FBLN5: variants seen among roughly 807,000 people sequenced by gnomAD.
FBLN5 encodes fibulin-5.
In FBLN5, 24 loss-of-function variants were observed where a neutral mutation model predicts 61.6. The ratio of observed to expected loss-of-function variants is 0.39; its 90% CI spans 0.28 to 0.55. FBLN5 has a LOEUF of 0.55. Among genes scored for constraint, FBLN5 ranks in the 20% least tolerant of loss-of-function variants. The pLI is 0.65. For missense variants in FBLN5, 470 were observed against 594.1 expected (o/e 0.79, Z 2.17); for synonymous variants, 213 against 219.8 (o/e 0.97, Z 0.27).
chr14:91,917,260 T>C (rs945537420), intron 4 of FBLN5, among the ~76,000 whole-genome samples: 3 of 152,206 alleles, frequency 2.0e-5, no homozygotes, highest in African/African-American at 7.2e-5. Flanking sequence ...TGAAGCTAGT[T>C]CTACTTCTCA....
intron 6 of FBLN5, among the ~76,000 whole-genome samples, chr14:91,890,137 G>A (rs565005148): frequency 1.7e-4 from 26 of 152,308 alleles, no homozygotes; most frequent in African/African-American, 2.6e-4. Context: ...CTCTTTTGGC[G>A]TGAGGAACAC....
chr14:91,877,960 T>C (rs772504067), intron 9 of FBLN5: 1 of 544,098 alleles, frequency 1.8e-6, no homozygotes, highest in Non-Finnish European at 3.5e-6. Context: ...CATTAGAACA[T>C]TCTCCAAGAT....
In FBLN5 at chr14:91,937,037, G is replaced by A; in HGVS notation, c.289C>T (p.Pro97Ser). Reference sequence around the variant, plus strand: ...GGATAGTTTGGAGCTGAGAGTGGTGGGGCAGCTGCTGGGTACGGACCTGAG... The same window carrying A: ...GGATAGTTTGGAGCTGAGAGTGGTGAGGCAGCTGCTGGGTACGGACCTGAG... ...PYSGPYPAAAPPLSAPNYPTI... is the reference protein window; with the variant it reads ...PYSGPYPAAASPLSAPNYPTI... Residue 97 changes from proline (P) to serine (S), a missense_variant, in exon 4 of 11, where the codon CCA (proline) becomes TCA (serine). By Grantham distance (74) the Pro-to-Ser change is moderately conservative (BLOSUM62 -1). Coordinates refer to ENST00000342058, the MANE Select transcript of FBLN5 (RefSeq NM_006329.4). The A allele has an allele frequency of 6.2e-7, 1 of 1,614,156 alleles. No individual in the cohort carries two copies. Among genetic ancestry groups the A allele is most frequent in the Non-Finnish European group, 8.5e-7 (1 of 1,180,034 alleles).
At chr14:91,945,407 G>A (rs950637546) in intron 1 of FBLN5, among the ~76,000 whole-genome samples, 1 of 152,122 alleles carries the variant, frequency 6.6e-6, no homozygotes, top group African/African-American at 2.4e-5. Context: ...CCACGACAAT[G>A]TCCATACACC....
At chr14:91,924,069 A>G (rs1266683491) in intron 4 of FBLN5, among the ~76,000 whole-genome samples, 1 of 152,224 alleles carries the variant, frequency 6.6e-6, no homozygotes, top group Admixed American at 6.5e-5. Flanking sequence ...CTGATAAATT[A>G]TGCCTAGTGT....
At chr14:91,890,602 A>G (rs2267994) in intron 6 of FBLN5, among the ~76,000 whole-genome samples, 40,044 of 152,214 alleles carry the variant, frequency 0.26, 6,250 homozygotes, top group Middle Eastern at 0.43. Flanking sequence ...TGTTTTTCTT[A>G]CTTATCAGTA....
intron 2 of FBLN5, chr14:91,942,064 G>T (rs1001005619): frequency 2.2e-6 from 1 of 450,462 alleles, no homozygotes; most frequent in Non-Finnish European, 4.5e-6. Flanking sequence ...CCTGCTCAGA[G>T]ATAGGGCTTC....
chr14:91,894,002 C>T (rs1042713203), intron 5 of FBLN5, among the ~76,000 whole-genome samples: 2 of 152,254 alleles, frequency 1.3e-5, no homozygotes, highest in African/African-American at 4.8e-5. Context: ...AAATCATCCT[C>T]ACCTCTGTCA....
chr14:91,925,622 C>T (rs1479858527), intron 4 of FBLN5, among the ~76,000 whole-genome samples: 6 of 152,232 alleles, frequency 3.9e-5, no homozygotes, highest in Non-Finnish European at 1.5e-5. Flanking sequence ...GAAAACAAAG[C>T]TGTGGCTTCA....
At chr14:91,939,622 G>A (rs1273979728) in intron 3 of FBLN5, among the ~76,000 whole-genome samples, 3 of 152,146 alleles carry the variant, frequency 2.0e-5, no homozygotes, top group African/African-American at 4.8e-5. Flanking sequence ...GATTACAGGC[G>A]TGAGCCACCG....
chr14:91,930,288 A>G (rs570024002), intron 4 of FBLN5, among the ~76,000 whole-genome samples: 2 of 152,290 alleles, frequency 1.3e-5, no homozygotes, highest in East Asian at 3.9e-4. Context: ...TACGGGAGGA[A>G]AATCTGAGGT....
intron 3 of FBLN5, among the ~76,000 whole-genome samples, chr14:91,937,612 C>G (rs1195347494): frequency 6.6e-6 from 1 of 152,096 alleles, no homozygotes; most frequent in Non-Finnish European, 1.5e-5. Context: ...GGAAATGAAA[C>G]TGGTGGCTTT....
chr14:91,918,414 G>A (rs559007942), intron 4 of FBLN5, among the ~76,000 whole-genome samples: 55 of 152,288 alleles, frequency 3.6e-4, no homozygotes, highest in African/African-American at 1.3e-3. Context: ...GACTGGGGGC[G>A]GAAGGAGGAG....
At position 91,947,297 on chromosome 14, in the gene FBLN5, C is replaced by G. The variant is rs2056200368; in HGVS notation, c.-68G>C. Reference sequence around the variant, plus strand: ...CTCGCGGGCGGGACCCCCGGAGGAGCTCGGGCACGTCGGCCTCCTCTGGGC... The same window carrying G: ...CTCGCGGGCGGGACCCCCGGAGGAGGTCGGGCACGTCGGCCTCCTCTGGGC... On this transcript the variant is annotated 5_prime_UTR_variant, in exon 1 of 11. Coordinates refer to ENST00000342058, the MANE Select transcript of FBLN5 (RefSeq NM_006329.4). This position sits in a 1 kb window ranked among gnomAD's most constrained non-coding sequence, Gnocchi z 4.3. The G allele has an allele frequency of 2.5e-6, 4 of 1,599,542 alleles. No homozygotes were observed. The highest frequency in any genetic ancestry group is 3.4e-6 in the Non-Finnish European group (4 of 1,167,278).
Position 91,882,866 on chromosome 14 carries a change from A to T in FBLN5, c.862+88T>A. ...TGCCACCTTCCCAAAGCTGCACATG[A>T]TTCCCCAGGTGAGGATATCCAGATG... On this transcript the variant is annotated intron_variant, in intron 8 of 10. Coordinates refer to ENST00000342058, the MANE Select transcript of FBLN5 (RefSeq NM_006329.4). This position sits in a 1 kb window ranked among gnomAD's most constrained non-coding sequence, Gnocchi z 4.9. 2.0e-6 allele frequency: 3 copies of T among 1,494,606 alleles called. No individual in the cohort carries two copies. Among genetic ancestry groups the T allele is most frequent in the Non-Finnish European group, 1.8e-6 (2 of 1,085,880 alleles). The allele number at this position is 1,494,606 out of a possible 1,614,324, so 92.6% of individuals were successfully genotyped here.
At chr14:91,934,575 T>A (rs886614198) in intron 4 of FBLN5, among the ~76,000 whole-genome samples, 1 of 152,172 alleles carries the variant, frequency 6.6e-6, no homozygotes, top group African/African-American at 2.4e-5. Context: ...CAAGACACCT[T>A]TGGAGATGTT....
rs2056132267 is a variant in FBLN5 at position 91,943,083 on chromosome 14, G to C, written c.18-122C>G. On this transcript the variant is annotated intron_variant, in intron 1 of 10. Transcript: ENST00000342058. The surrounding 1 kb of genome is among the most constrained non-coding windows in gnomAD (Gnocchi z 4.0). ...ACCTTGGGCTTGTATGGGGTGGGGT[G>C]TGCTCCAGGGAGGTCATGGTGGTTC... The C allele has an allele frequency of 2.7e-6, 2 of 733,202 alleles. No individual in the cohort carries two copies. Among genetic ancestry groups the C allele is most frequent in the Non-Finnish European group, 5.0e-6 (2 of 404,002 alleles). The allele number at this position is 733,202 out of a possible 1,614,324, so 45.4% of individuals were successfully genotyped here.
At chr14:91,923,345 A>G (rs2055773027) in intron 4 of FBLN5, among the ~76,000 whole-genome samples, 1 of 152,136 alleles carries the variant, frequency 6.6e-6, no homozygotes, top group South Asian at 2.1e-4. Flanking sequence ...AGGCCCCACA[A>G]TCTGGTGGGG....
intron 4 of FBLN5, among the ~76,000 whole-genome samples, chr14:91,896,847 T>G (rs1890247033): frequency 6.6e-6 from 1 of 152,212 alleles, no homozygotes; most frequent in South Asian, 2.1e-4. Flanking sequence ...TCAGTTGGCT[T>G]CTTTGAATAC....
Sources: allele counts gnomAD v4.1 joint callset (sites outside exome capture counted in the v4.1 genomes callset), GRCh38; gene constraint gnomAD v4.1.1; non-coding constraint Gnocchi (gnomAD v3.1); transcripts MANE v1.5; gene names NCBI Gene and HGNC (gene_info 2026-07-23, HGNC 2026-07-21).